The following CNBD1 variants were observed in gnomAD, a reference collection of about 807,000 sequenced individuals.
The protein encoded by CNBD1 is cyclic nucleotide binding domain containing 1, also known as cyclic nucleotide-binding domain-containing protein 1.
Under a neutral mutation model 54.4 loss-of-function variants are expected in CNBD1, and 71 were observed. That is an observed-to-expected ratio of 1.30 (90% CI 1.08 to 1.59). CNBD1 has a LOEUF of 1.59. Ranked by LOEUF, CNBD1 falls within the 40% of genes most tolerant of loss-of-function variation. The pLI, the probability that CNBD1 is intolerant of heterozygous loss-of-function variation, is 0.00. For synonymous variants in CNBD1, 182 were observed against 170.7 expected, an observed-to-expected ratio of 1.07 and a Z score of -0.51; for missense variants, 659 against 518.0, an observed-to-expected ratio of 1.27 and a Z score of -2.64.
chr8:87,334,719 C>CTT (rs758083191), intron 8 of CNBD1, among the ~76,000 whole-genome samples: 6 of 126,158 alleles, frequency 4.8e-5, no homozygotes, highest in Admixed American at 7.5e-5. Flanking sequence ...TTTCTTTTTT[C>CTT]TTTTCTTTTT....
intron 5 of CNBD1, among the ~76,000 whole-genome samples, chr8:87,218,013 G>T (rs1814250668): frequency 6.6e-6 from 1 of 152,028 alleles, no homozygotes; most frequent in Non-Finnish European, 1.5e-5. Flanking sequence ...TGGTGGTATA[G>T]GTGCTTTGAT....
intron 4 of CNBD1, among the ~76,000 whole-genome samples, chr8:87,021,723 C>T (rs56096479): frequency 0.019 from 2,878 of 152,242 alleles, 40 homozygotes; most frequent in Non-Finnish European, 0.029. Flanking sequence ...CCCATTACAA[C>T]AAAGCTTTAT....
intron 10 of CNBD1, among the ~76,000 whole-genome samples, chr8:87,362,875 CT>C (rs201791905): frequency 2.9e-4 from 44 of 151,514 alleles, no homozygotes; most frequent in East Asian, 7.8e-4. Context: ...CATATTCTAA[CT>C]TTTTTTTTGT....
chr8:87,388,937 T>G (rs895906195), intron 2 of CNBD1, among the ~76,000 whole-genome samples: 1 of 152,168 alleles, frequency 6.6e-6, no homozygotes, highest in African/African-American at 2.4e-5. Flanking sequence ...GATGCAAGGC[T>G]GATTCAACAT....
At chr8:87,315,044 G>A (rs1196803727) in intron 8 of CNBD1, among the ~76,000 whole-genome samples, 2 of 151,964 alleles carry the variant, frequency 1.3e-5, no homozygotes, top group Non-Finnish European at 2.9e-5. Context: ...ACAAGCAAAA[G>A]TACTTAGAAA....
At chr8:87,125,912 T>A (rs1811981428) in intron 4 of CNBD1, among the ~76,000 whole-genome samples, 1 of 151,936 alleles carries the variant, frequency 6.6e-6, no homozygotes. Context: ...TCCTAAAATT[T>A]ATATAAAGGA....
At chr8:87,317,122 T>C (rs1228636118) in intron 8 of CNBD1, among the ~76,000 whole-genome samples, 1 of 151,818 alleles carries the variant, frequency 6.6e-6, no homozygotes, top group African/African-American at 2.4e-5. Context: ...CTAGAAAATA[T>C]CAGTTCTATT....
At chr8:86,868,200 G>A (rs1361035722) in intron 1 of CNBD1, among the ~76,000 whole-genome samples, 1 of 151,948 alleles carries the variant, frequency 6.6e-6, no homozygotes, top group Non-Finnish European at 1.5e-5. Context: ...AAATGCAGTG[G>A]GCATAAATAG....
rs114771453 is a variant in CNBD1, at chr8:86,983,103, A to C, written c.431+43349A>C. ...GTGTCCTCACCCAAATCTCATCTTG[A>C]ATTCTCACATGTTATGAGAGGGACC... On this transcript the variant is annotated intron_variant, in intron 4 of 10. Transcript: ENST00000518476. Among the ~76,000 whole-genome samples, 361 of 152,236 alleles carry C rather than the reference A, an allele frequency of 2.4e-3. 2 individuals carry two copies. The highest frequency in any genetic ancestry group is 8.5e-3 in the African/African-American group (352 of 41,534).
intron 8 of CNBD1, among the ~76,000 whole-genome samples, chr8:87,310,230 G>T (rs548202117): frequency 2.0e-5 from 3 of 152,098 alleles, no homozygotes; most frequent in African/African-American, 4.8e-5. Context: ...GGTGGCACAT[G>T]CTATAGTCCC....
chr8:87,132,207 A>G lies in CNBD1; in HGVS notation c.432-73786A>G, dbSNP rs180781064. ...ATACCTTGCTTCATATGTTAAAAAA[A>G]CTAACAATATATAATACATATAATT... On this transcript the variant is annotated intron_variant, in intron 4 of 10. Transcript: ENST00000518476. Among the ~76,000 whole-genome samples the G allele has an allele frequency of 1.1e-3, 172 of 151,982 alleles. 2 individuals carry two copies. The East Asian group carries it at 0.014, about 12-fold the overall frequency.
intron 5 of CNBD1, among the ~76,000 whole-genome samples, chr8:87,230,522 T>C (rs1402623399): frequency 6.6e-6 from 1 of 152,142 alleles, no homozygotes; most frequent in Non-Finnish European, 1.5e-5. Context: ...CTTCAGATGT[T>C]AGAACACATT....
At chr8:86,998,193 T>C (rs1390749457) in intron 4 of CNBD1, among the ~76,000 whole-genome samples, 1 of 151,488 alleles carries the variant, frequency 6.6e-6, no homozygotes, top group Non-Finnish European at 1.5e-5. Flanking sequence ...CATAACCTAG[T>C]TTTGTGTGTG....
chr8:87,421,130 A>G (rs1807926937), intron 2 of CNBD1, among the ~76,000 whole-genome samples: 2 of 152,084 alleles, frequency 1.3e-5, no homozygotes, highest in South Asian at 4.1e-4. Flanking sequence ...TATTGATTCC[A>G]ACAGTGTACT....
chr8:87,224,810 T>C (rs951697106), intron 5 of CNBD1, among the ~76,000 whole-genome samples: 5 of 150,910 alleles, frequency 3.3e-5, no homozygotes, highest in African/African-American at 9.9e-5. Flanking sequence ...GGGGATGGCA[T>C]TGAATCTGTA....
downstream of CNBD1, among the ~76,000 whole-genome samples, chr8:87,385,415 A>G (rs919588433): frequency 6.6e-5 from 10 of 151,998 alleles, no homozygotes; most frequent in Non-Finnish European, 8.8e-5. Flanking sequence ...GGTCACTGCC[A>G]CCCTAATACT....
At chr8:87,014,703 A>T (rs1184700665) in intron 4 of CNBD1, among the ~76,000 whole-genome samples, 3 of 152,164 alleles carry the variant, frequency 2.0e-5, no homozygotes, top group Admixed American at 2.0e-4. Flanking sequence ...GTAATTTAAA[A>T]ATTATAGGAA....
chr8:87,276,310 GA>G (rs1309843562), intron 6 of CNBD1, among the ~76,000 whole-genome samples: 3 of 151,730 alleles, frequency 2.0e-5, no homozygotes, highest in African/African-American at 2.4e-5. Context: ...TTATTTAAGG[GA>G]AAAAATATCA....
intron 1 of CNBD1, among the ~76,000 whole-genome samples, chr8:86,867,562 A>T (rs1382564196): frequency 2.0e-5 from 3 of 152,104 alleles, no homozygotes; most frequent in African/African-American, 7.3e-5. Flanking sequence ...GTGTTAGACA[A>T]AATCCTTATG....
Sources: gnomAD v4.1 joint callset for allele counts (sites outside exome capture counted in the v4.1 genomes callset) on GRCh38, gnomAD v4.1.1 for gene constraint, MANE v1.5 for transcripts, NCBI Gene and HGNC (gene_info 2026-07-23, HGNC 2026-07-21) for gene names.